OGFOD1: variants seen among roughly 807,000 people sequenced by gnomAD.
The protein encoded by OGFOD1 is prolyl 3-hydroxylase OGFOD1.
A neutral mutation model predicts 67.7 loss-of-function variants in OGFOD1; 54 were observed. The ratio of observed to expected loss-of-function variants is 0.80; its 90% CI spans 0.64 to 1.00. The LOEUF is 1.00. Among genes scored for constraint, OGFOD1 ranks in the 50% least tolerant of loss-of-function variants. The pLI is 0.00. For missense variants in OGFOD1, 606 were observed against 646.7 expected, an observed-to-expected ratio of 0.94 and a Z score of 0.68; for synonymous variants, 221 against 227.0, an observed-to-expected ratio of 0.97 and a Z score of 0.24.
chr16:56,475,927 A>G, intron 12 of OGFOD1, 117 bp from the exon 13 acceptor site: 1 of 890,542 alleles, frequency 1.1e-6, no homozygotes, highest in Non-Finnish European at 1.7e-6. Context: ...CATTCAGAGG[A>G]CCCCTCTATC....
At chr16:56,460,452 G>T (rs1361620505) in intron 3 of OGFOD1, among the ~76,000 whole-genome samples, 2 of 152,348 alleles carry the variant, frequency 1.3e-5, no homozygotes, top group East Asian at 3.9e-4. Flanking sequence ...ACTATTAGTT[G>T]CTTACAGTAT....
intron 1 of OGFOD1, 113 bp downstream of exon 1, chr16:56,451,879 T>C (rs1962350510): frequency 7.9e-7 from 1 of 1,262,020 alleles, no homozygotes; most frequent in African/African-American, 1.5e-5. Flanking sequence ...AAGAGGCTCT[T>C]AGAGGACTTT....
chr16:56,472,925 TTTTGGTTTGG>T lies in OGFOD1; in HGVS notation c.1286-1887_1286-1878del, dbSNP rs55711786. 9.9e-5 allele frequency among the ~76,000 whole-genome samples: 15 copies of T among 151,570 alleles called. No individual in the cohort carries two copies. In the South Asian group the frequency reaches 2.7e-3, roughly 28 times the overall value. The stretch of plus-strand genomic sequence containing the variant: ...CACCAAAGCAGTTTTGCTTTTTTTG[TTTTGGTTTGG>T]TTTGGTTTGGTTTGGAGACAGAGTC... On this transcript the variant is annotated intron_variant, in intron 10 of 12. Coordinates refer to ENST00000566157, the MANE Select transcript of OGFOD1 (RefSeq NM_018233.4).
chr16:56,469,850 CAAA>C (rs751278368), intron 8 of OGFOD1, among the ~76,000 whole-genome samples, 150 bp from the exon 9 acceptor site: 3 of 53,336 alleles, frequency 5.6e-5, no homozygotes, highest in Non-Finnish European at 1.1e-4. Context: ...AACTCCATCT[CAAA>C]AAAAAAAAAA....
Position 56,470,001 on chromosome 16 carries a change from A to G in OGFOD1, c.901-2A>G, listed in dbSNP as rs771982639. The G allele has an allele frequency of 2.1e-5, 34 of 1,613,818 alleles. No individual in the cohort carries two copies. Among genetic ancestry groups the G allele is most frequent in the Non-Finnish European group, 2.8e-5 (33 of 1,179,896 alleles). On this transcript the variant is annotated splice_acceptor_variant, in intron 8 of 12. Coordinates refer to ENST00000566157, the MANE Select transcript of OGFOD1 (RefSeq NM_018233.4). LOFTEE classifies it high-confidence loss of function. ...ATGCTTCTTTATTTGCTCATTTTCT[A>G]GCCTGAGAAATTCACGAAAGTCTGT...
At chr16:56,453,106 A>T (rs566255887) in intron 1 of OGFOD1, among the ~76,000 whole-genome samples, 157 bp from the exon 2 acceptor site, 1 of 152,316 alleles carries the variant, frequency 6.6e-6, no homozygotes, top group Admixed American at 6.5e-5. Flanking sequence ...TAAAGAAGAA[A>T]GGTCAGAGCT....
rs200933704 is a variant in OGFOD1 at position 56,467,267 on chromosome 16, C to T, written c.760C>T (p.Pro254Ser). Residue 254 changes from proline (P) to serine (S), a missense_variant, in exon 7 of 13, where the codon CCT becomes TCT. Physicochemically the swap from Pro to Ser is moderately conservative, Grantham distance 74 (BLOSUM62 -1). Coordinates refer to ENST00000566157, the MANE Select transcript of OGFOD1 (RefSeq NM_018233.4). ...TCCCAACTACTTTGAACCCCCCATACCTCGGAGCCCTCACATCCCACAAGA... is the reference window on the plus strand; with the variant it reads ...TCCCAACTACTTTGAACCCCCCATATCTCGGAGCCCTCACATCCCACAAGA... ...RPPNYFEPPI[P>S]RSPHIPQDHE... 4 of 1,614,014 alleles carry T rather than the reference C, an allele frequency of 2.5e-6. No homozygotes were observed. The highest frequency in any genetic ancestry group is 2.7e-5 in the African/African-American group (2 of 74,890).
intron 8 of OGFOD1, 84 bp from the exon 9 acceptor site, chr16:56,469,919 T>G (rs891301968): frequency 1.9e-6 from 2 of 1,080,652 alleles, no homozygotes; most frequent in Non-Finnish European, 2.8e-6. Context: ...CAGATTGATG[T>G]TTGGCAGAGC....
chr16:56,471,809 C>G (rs1475012640), intron 10 of OGFOD1, among the ~76,000 whole-genome samples: 1 of 152,238 alleles, frequency 6.6e-6, no homozygotes, highest in Non-Finnish European at 1.5e-5. Context: ...TCTGTGCTAT[C>G]TTAATACACA....
chr16:56,470,640 T>TA lies in OGFOD1; in HGVS notation c.1140dup (p.Glu381ArgfsTer6), dbSNP rs1311827633. ...CTTCGGAAGAAGATGAGATGAATGA[T>TA]AAAAAAGAGGCAGAAACCACTGATA... On this transcript the variant is annotated frameshift_variant, in exon 10 of 13. Coordinates refer to ENST00000566157, the MANE Select transcript of OGFOD1 (RefSeq NM_018233.4). LOFTEE classifies it high-confidence loss of function. 12 of 1,613,866 alleles carry TA rather than the reference T, an allele frequency of 7.4e-6. No individual in the cohort carries two copies. The highest frequency in any genetic ancestry group is 1.1e-5 in the South Asian group (1 of 91,086).
Position 56,466,168 on chromosome 16 carries a change from T to A in OGFOD1, c.465T>A (p.His155Gln). 2 of 1,614,018 alleles carry A rather than the reference T, an allele frequency of 1.2e-6. No individual in the cohort carries two copies. Among genetic ancestry groups the A allele is most frequent in the Non-Finnish European group, 1.7e-6 (2 of 1,179,932 alleles). Residue 155 changes from histidine (H) to glutamine (Q), a missense_variant, in exon 5 of 13, where the codon CAT (histidine) becomes CAA (glutamine). Physicochemically the swap from His to Gln is conservative, Grantham distance 24 (BLOSUM62 0). Coordinates refer to ENST00000566157, the MANE Select transcript of OGFOD1 (RefSeq NM_018233.4). ...CTATTGCAGATGCCCTGCTGTGCCA[T>A]GATGATGAGCTGGAAGGGCGCCGGA... ...KYEFTDALLC[H>Q]DDELEGRRIA...
chr16:56,466,035 T>C lies in OGFOD1; in HGVS notation c.449-117T>C, dbSNP rs1404554337. On this transcript the variant is annotated intron_variant, in intron 4 of 12. Transcript: ENST00000566157. The stretch of plus-strand genomic sequence containing the variant: ...AGTGTCATTTTAAAGCTGGAGGACA[T>C]TTAAAGCTGGAGCTGACATTACAGT... The C allele has an allele frequency of 1.7e-5, 12 of 699,568 alleles. No homozygotes were observed. In the African/African-American group the frequency reaches 1.9e-4, roughly 11 times the overall value. The allele number at this position is 699,568 out of a possible 1,614,324, so 43.3% of individuals were successfully genotyped here. A position where few individuals can be genotyped will look rare whatever the true frequency, so the allele number is the denominator to read the frequency against.
rs1434742426 is a variant in OGFOD1, at chr16:56,451,559, C to T, written c.-54C>T. ...GGGACATGCCGGGAGTTGCAGTACC[C>T]TCAGGAAGGTAGCGTCTTGATCTGC... On this transcript the variant is annotated 5_prime_UTR_variant, in exon 1 of 13. Coordinates refer to ENST00000566157, the MANE Select transcript of OGFOD1 (RefSeq NM_018233.4). 6.3e-6 allele frequency: 10 copies of T among 1,598,324 alleles called. No homozygotes were observed. The highest frequency in any genetic ancestry group is 2.2e-5 in the East Asian group (1 of 44,822).
intron 10 of OGFOD1, 146 bp from the exon 11 acceptor site, chr16:56,474,681 TG>T: frequency 1.6e-6 from 1 of 621,330 alleles, no homozygotes; most frequent in Non-Finnish European, 2.7e-6. Context: ...TTTATAAGGC[TG>T]GATTGGTAGA....
At chr16:56,462,732 G>A in intron 4 of OGFOD1, 98 bp downstream of exon 4, 1 of 729,080 alleles carries the variant, frequency 1.4e-6, no homozygotes, top group Non-Finnish European at 2.3e-6. Context: ...TCAACTGAAT[G>A]TCCCTGCAAA....
intron 12 of OGFOD1, 25 bp from the exon 13 acceptor site, chr16:56,476,019 G>A (rs779617089): frequency 6.3e-7 from 1 of 1,593,236 alleles, no homozygotes; most frequent in East Asian, 2.2e-5. Context: ...GTGTTCTGAT[G>A]TGTCACTGTA....
intron 11 of OGFOD1, 27 bp from the exon 12 acceptor site, chr16:56,475,480 G>C: frequency 1.9e-6 from 3 of 1,610,240 alleles, no homozygotes; most frequent in Non-Finnish European, 2.5e-6. Context: ...GGAGCTTTCT[G>C]AATGCTGTTT....
chr16:56,473,940 G>A (rs2144051857), intron 10 of OGFOD1, among the ~76,000 whole-genome samples: 1 of 151,992 alleles, frequency 6.6e-6, no homozygotes, highest in African/African-American at 2.4e-5. Context: ...CTAAGTAGCT[G>A]GGATTACAGG....
At chr16:56,458,506 T>C (rs751522267) in intron 2 of OGFOD1, 42 bp from the exon 3 acceptor site, 4 of 1,569,782 alleles carry the variant, frequency 2.5e-6, no homozygotes, top group South Asian at 1.1e-5. Context: ...GTGTCTCTTA[T>C]GTGAAGGAAA....
Sources: gnomAD v4.1 joint callset for allele counts (sites outside exome capture counted in the v4.1 genomes callset) on GRCh38, gnomAD v4.1.1 for gene constraint, MANE v1.5 for transcripts, NCBI Gene and HGNC (gene_info 2026-07-23, HGNC 2026-07-21) for gene names.